Variants in RAD51AP2 observed in about 807,000 individuals in gnomAD.
RAD51AP2 encodes RAD51 associated protein 2, also known as RAD51-associated protein 2.
Under a neutral mutation model 85.5 loss-of-function variants are expected in RAD51AP2, and 67 were observed. The observed-to-expected ratio is 0.78, with a 90% CI of 0.64 to 0.96. RAD51AP2 has a LOEUF of 0.96. Among genes scored for constraint, RAD51AP2 ranks in the 40% least tolerant of loss-of-function variants. The pLI is 0.00. For missense variants in RAD51AP2, 1,307 were observed against 1,332.4 expected (o/e 0.98, Z 0.30); for synonymous variants, 474 against 446.5 (o/e 1.06, Z -0.78).
chr2:17,535,951 A>C, the RAD51AP2 span, among the ~76,000 whole-genome samples: 1 of 151,238 alleles, frequency 6.6e-6, no homozygotes, highest in African/African-American at 2.4e-5. Context: ...AAAAAAAAAA[A>C]AAAAAAAAGA....
chr2:17,526,917 T>A, the RAD51AP2 span, among the ~76,000 whole-genome samples: 19 of 152,186 alleles, frequency 1.2e-4, no homozygotes, highest in Non-Finnish European at 2.2e-4. Context: ...TGAAAAAGGT[T>A]TTCAAACTCT....
chr2:17,522,194 G>T (rs1433217491), upstream of RAD51AP2, among the ~76,000 whole-genome samples: 2 of 151,908 alleles, frequency 1.3e-5, no homozygotes, highest in Non-Finnish European at 2.9e-5. Context: ...GACATAGAAA[G>T]TTCCTCATAG....
chr2:17,517,218 T>C lies in RAD51AP2; in HGVS notation c.1198A>G (p.Arg400Gly), dbSNP rs1373330259. 3 of 1,613,862 alleles carry C rather than the reference T, an allele frequency of 1.9e-6. No homozygotes were observed. Among genetic ancestry groups the C allele is most frequent in the Non-Finnish European group, 8.5e-7 (1 of 1,179,880 alleles). ...CCTCTATTTCTTCTCAAAATATGTC[T>C]AACGTTACAGTCCCAGTTTTGAGAT... Reference protein sequence around the residue: ...EKSQNWDCNVRHILRRNRGNC... With the variant: ...EKSQNWDCNVGHILRRNRGNC... The change falls in exon 1 of 3, where the codon AGA (arginine) becomes GGA (glycine). Residue 400 changes from arginine (R) to glycine (G), a missense_variant. Arg to Gly is a moderately radical substitution (Grantham distance 125). This residue lies in a region of RAD51AP2 where 635 missense variants were observed against 643.6 expected (regional missense o/e 0.99). Transcript: ENST00000399080.
At chr2:17,532,331 CTTG>C in the RAD51AP2 span, among the ~76,000 whole-genome samples, 4 of 152,106 alleles carry the variant, frequency 2.6e-5, 1 homozygote, top group South Asian at 4.1e-4. Context: ...CTTCTAGCTT[CTTG>C]TTGTTGCTGG....
chr2:17,513,148 G>T (rs1226483621), intron 2 of RAD51AP2, among the ~76,000 whole-genome samples: 1 of 151,732 alleles, frequency 6.6e-6, no homozygotes, highest in African/African-American at 2.4e-5. Flanking sequence ...AAGGTGGAAT[G>T]AATGTTAGAC....
chr2:17,518,217 A>C lies in RAD51AP2; in HGVS notation c.199T>G (p.Ser67Ala). The change falls in exon 1 of 3, where the codon TCC becomes GCC. Residue 67 changes from serine to alanine, a missense_variant. Physicochemically the swap from Ser to Ala is moderately conservative, Grantham distance 99. This residue lies in a region of RAD51AP2 where 635 missense variants were observed against 643.6 expected (regional missense o/e 0.99). Coordinates refer to ENST00000399080, the MANE Select transcript of RAD51AP2 (RefSeq NM_001099218.3). Reference sequence around the variant, plus strand: ...AGGAGTCCCTTGAAGGGTCTAGGGGACAACTCCCAGACTTTTTCCGCCTCA... The same window carrying C: ...AGGAGTCCCTTGAAGGGTCTAGGGGCCAACTCCCAGACTTTTTCCGCCTCA... ...LSEAEKVWELSPRPFKGLLVS... is the reference protein window; with the variant it reads ...LSEAEKVWELAPRPFKGLLVS... 4.3e-6 allele frequency: 7 copies of C among 1,614,146 alleles called. No individual in the cohort carries two copies. Among genetic ancestry groups the C allele is most frequent in the Middle Eastern group, 1.6e-4 (1 of 6,062 alleles).
At chr2:17,529,572 A>G in the RAD51AP2 span, among the ~76,000 whole-genome samples, 1 of 152,210 alleles carries the variant, frequency 6.6e-6, no homozygotes, top group Non-Finnish European at 1.5e-5. Context: ...GATACAAAGT[A>G]AATATATAAG....
chr2:17,534,101 C>T, the RAD51AP2 span, among the ~76,000 whole-genome samples: 1 of 151,998 alleles, frequency 6.6e-6, no homozygotes, highest in Non-Finnish European at 1.5e-5. Flanking sequence ...TTCCTTGATG[C>T]CTCTGAGTTT....
the RAD51AP2 span, among the ~76,000 whole-genome samples, chr2:17,531,327 T>G: frequency 6.6e-6 from 1 of 152,158 alleles, no homozygotes. Flanking sequence ...ATGTCCCTTA[T>G]GAATATTAAG....
upstream of RAD51AP2, among the ~76,000 whole-genome samples, chr2:17,521,395 A>G (rs753335466): frequency 6.6e-6 from 1 of 152,138 alleles, no homozygotes; most frequent in Non-Finnish European, 1.5e-5. Flanking sequence ...ATGACAAGAC[A>G]GTTTTTCCCT....
chr2:17,528,548 A>C, the RAD51AP2 span, among the ~76,000 whole-genome samples: 1 of 152,192 alleles, frequency 6.6e-6, no homozygotes, highest in South Asian at 2.1e-4. Context: ...ACAGTTAGAG[A>C]AAAAATAAAG....
rs987018277 is a variant in RAD51AP2, at chr2:17,510,796, T to G, written c.*8A>C. The G allele has an allele frequency of 1.3e-6, 2 of 1,535,946 alleles. No individual in the cohort carries two copies. Among genetic ancestry groups the G allele is most frequent in the Admixed American group, 3.8e-5 (2 of 52,282 alleles). ...CTAGATGTTGTAAAATGTTTTGAAA[T>G]ATGAAAGTCAAAAATTTTCTTTTAA... On this transcript the variant is annotated 3_prime_UTR_variant, in exon 3 of 3. Transcript: ENST00000399080.
At chr2:17,528,663 G>C in the RAD51AP2 span, among the ~76,000 whole-genome samples, 1 of 151,938 alleles carries the variant, frequency 6.6e-6, no homozygotes, top group Non-Finnish European at 1.5e-5. Flanking sequence ...AGCAACATAG[G>C]AACACCCATC....
Position 17,518,075 on chromosome 2 carries a change from C to A in RAD51AP2, c.341G>T (p.Cys114Phe), listed in dbSNP as rs1662750030. 6.2e-7 allele frequency: 1 copy of A among 1,614,078 alleles called. No individual in the cohort carries two copies. The highest frequency in any genetic ancestry group is 8.5e-7 in the Non-Finnish European group (1 of 1,180,048). The change falls in exon 1 of 3, where the codon TGT (cysteine) becomes TTT (phenylalanine). Residue 114 changes from cysteine to phenylalanine, a missense_variant. Transcript: ENST00000399080. Reference protein sequence around the residue: ...CSNLKFQMSSCLQSPPSQSPD... With the variant: ...CSNLKFQMSSFLQSPPSQSPD... ...ACTTTGTGAGGGGGGAGACTGCAAA[C>A]AGCTACTCATTTGGAATTTGAGATT...
chr2:17,517,283 G>T lies in RAD51AP2; in HGVS notation c.1133C>A (p.Ala378Glu). The change falls in exon 1 of 3, where the codon GCA (alanine) becomes GAA (glutamate). Residue 378 changes from alanine to glutamate, a missense_variant. Ala to Glu is a moderately radical substitution (Grantham distance 107, BLOSUM62 -1). This residue lies in a region of RAD51AP2 where 635 missense variants were observed against 643.6 expected (regional missense o/e 0.99). Transcript: ENST00000399080. ...AILENANWEE[A>E]ECLDSYVLTR... The stretch of plus-strand genomic sequence containing the variant: ...AAGTACGTAACTGTCCAGACATTCT[G>T]CTTCCTCCCAATTTGCATTTTCTAG... The T allele has an allele frequency of 6.2e-7, 1 of 1,613,804 alleles. No individual in the cohort carries two copies. The highest frequency in any genetic ancestry group is 8.5e-7 in the Non-Finnish European group (1 of 1,179,820).
In RAD51AP2 at chr2:17,518,382, C is replaced by A; in HGVS notation, c.34G>T (p.Glu12Ter). Reference protein sequence around the residue: ...SLPQPTPRMAELRKPTSSLTP... With the variant: ...SLPQPTPRMA Reference sequence around the variant, plus strand: ...AAAGAGGAGGTAGGCTTTCTGAGCTCGGCCATCCGCGGCGTGGGCTGAGGG... The same window carrying A: ...AAAGAGGAGGTAGGCTTTCTGAGCTAGGCCATCCGCGGCGTGGGCTGAGGG... Residue 12 changes from glutamate (E) to a stop codon, truncating the protein, a stop_gained, in exon 1 of 3, where the codon GAG (glutamate) becomes TAG (stop). Transcript: ENST00000399080. LOFTEE classifies it high-confidence loss of function. 6.2e-7 allele frequency: 1 copy of A among 1,613,058 alleles called. No homozygotes were observed. The highest frequency in any genetic ancestry group is 8.5e-7 in the Non-Finnish European group (1 of 1,179,826).
the RAD51AP2 span, among the ~76,000 whole-genome samples, chr2:17,525,339 G>A: frequency 6.6e-6 from 1 of 151,916 alleles, no homozygotes; most frequent in African/African-American, 2.4e-5. Context: ...TGTGACCAAG[G>A]CCATGATACC....
rs1276734677 is a variant in RAD51AP2 at position 17,510,654 on chromosome 2, T to G, written c.*150A>C. ...AAAATCCATAAAATATTTTATAACTTTGAAAGGTAATACCATAATTTATAC... is the reference window on the plus strand; with the variant it reads ...AAAATCCATAAAATATTTTATAACTGTGAAAGGTAATACCATAATTTATAC... On this transcript the variant is annotated 3_prime_UTR_variant, in exon 3 of 3. Transcript: ENST00000399080. 2 of 443,512 alleles carry G rather than the reference T, an allele frequency of 4.5e-6. No homozygotes were observed. Among genetic ancestry groups the G allele is most frequent in the Non-Finnish European group, 7.9e-6 (2 of 253,274 alleles). 27.5% of individuals were successfully genotyped at this position (443,512 alleles called of 1,614,324 possible).
the RAD51AP2 span, among the ~76,000 whole-genome samples, chr2:17,531,099 A>G: frequency 1.3e-5 from 2 of 152,212 alleles, no homozygotes; most frequent in Non-Finnish European, 2.9e-5. Flanking sequence ...TAAAGCACAA[A>G]TGTGAATTTT....
Sources: allele counts gnomAD v4.1 joint callset (sites outside exome capture counted in the v4.1 genomes callset), GRCh38; gene constraint gnomAD v4.1.1; regional missense constraint gnomAD v4.1.1; transcripts MANE v1.5; gene names NCBI Gene and HGNC (gene_info 2026-07-23, HGNC 2026-07-21).